Variants in DMD observed in about 807,000 individuals in gnomAD.
DMD encodes the protein dystrophin.
DMD carries 63 observed loss-of-function variants against 330.1 expected under a neutral mutation model. The observed-to-expected ratio is 0.19, with a 90% CI of 0.16 to 0.24. The LOEUF is 0.24. Among genes scored for constraint, DMD ranks in the 10% least tolerant of loss-of-function variants. DMD has a pLI of 1.00. For missense variants in DMD, 3,344 were observed against 2,684.1 expected, an observed-to-expected ratio of 1.25 and a Z score of -5.43; for synonymous variants, 1,223 against 959.8, an observed-to-expected ratio of 1.27 and a Z score of -5.07.
At chrX:31,257,683 G>A (rs904934361) in intron 63 of DMD, among the ~76,000 whole-genome samples, 4 of 112,293 alleles carry the variant, frequency 3.6e-5, no homozygotes, top group Non-Finnish European at 5.6e-5. Context: ...TGTGGCTTAC[G>A]CTTGTAATCC....
chrX:32,102,647 C>A (rs1411970946), intron 44 of DMD, among the ~76,000 whole-genome samples: 1 of 110,902 alleles, frequency 9.0e-6, no homozygotes, highest in Non-Finnish European at 1.9e-5. Context: ...TTTAAATGGG[C>A]AATATGGTTT....
intron 68 of DMD, 133 bp from the exon 69 acceptor site, chrX:31,180,614 T>G: frequency 3.8e-6 from 2 of 529,485 alleles, no homozygotes; most frequent in Non-Finnish European, 6.6e-6. Context: ...ACAAGGTAAG[T>G]GATTAACTTT....
At chrX:31,748,985 T>A (rs150377607) in intron 51 of DMD, among the ~76,000 whole-genome samples, 1,354 of 111,464 alleles carry the variant, frequency 0.012, 25 homozygotes, top group African/African-American at 0.042. Context: ...CATCATTTAA[T>A]CCCAACAACA....
chrX:31,884,023 A>G (rs747101508), intron 47 of DMD, among the ~76,000 whole-genome samples: 6 of 111,867 alleles, frequency 5.4e-5, no homozygotes, highest in Non-Finnish European at 9.4e-5. Context: ...TGGAGAAAAG[A>G]GAACCCTTGT....
chrX:32,717,574 G>A (rs1333707584), intron 7 of DMD, among the ~76,000 whole-genome samples: 3 of 111,992 alleles, frequency 2.7e-5, no homozygotes, highest in Non-Finnish European at 5.6e-5. Context: ...GGGCAGTGCA[G>A]AAGGGTAATG....
intron 2 of DMD, among the ~76,000 whole-genome samples, chrX:32,884,001 T>C (rs1386659512): frequency 1.8e-5 from 2 of 109,728 alleles, no homozygotes; most frequent in African/African-American, 6.6e-5. Flanking sequence ...GAAAGGTAAG[T>C]ACATAGGTTT....
intron 1 of DMD, among the ~76,000 whole-genome samples, chrX:33,326,988 A>G (rs910960119): frequency 2.2e-4 from 25 of 112,165 alleles, no homozygotes; most frequent in African/African-American, 7.8e-4. Flanking sequence ...TCCTATGTGA[A>G]TAAATTAAAC....
At chrX:32,629,416 A>T (rs1048657609) in intron 11 of DMD, among the ~76,000 whole-genome samples, 2 of 111,400 alleles carry the variant, frequency 1.8e-5, no homozygotes, top group Non-Finnish European at 3.8e-5. Flanking sequence ...TTATTGGTCA[A>T]GTGTGTTTCT....
rs398123973 is a variant in DMD at position 32,365,049 on chromosome X, G to T, written c.4996C>A (p.Arg1666=). ...LNSNWIAVTS[R]AEEWLNLLLE... is the part of the protein sequence containing the mutation. The stretch of plus-strand genomic sequence containing the variant: ...AAAAGATTTAACCACTCTTCTGCTC[G>T]GGAGGTGACAGCTATCCAGTTACTA... The change falls in exon 35 of 79, where the codon CGA becomes AGA. Residue 1666 remains arginine, a synonymous_variant. Coordinates refer to ENST00000357033, the MANE Select transcript of DMD (RefSeq NM_004006.3). 1 of 1,210,502 alleles carries T rather than the reference G, an allele frequency of 8.3e-7. No individual in the cohort carries two copies. The highest frequency in any genetic ancestry group is 1.7e-5 in the African/African-American group (1 of 57,505).
At chrX:31,319,798 G>A (rs1045356446) in intron 62 of DMD, among the ~76,000 whole-genome samples, 3 of 112,426 alleles carry the variant, frequency 2.7e-5, no homozygotes, top group Admixed American at 9.4e-5. Context: ...GAATACAGAA[G>A]AACAATTTTC....
At chrX:32,783,605 C>A (rs935738026) in intron 7 of DMD, among the ~76,000 whole-genome samples, 1 of 109,570 alleles carries the variant, frequency 9.1e-6, no homozygotes, top group Non-Finnish European at 1.9e-5. Context: ...CATGTGTAAC[C>A]CTGAACCTAG....
At chrX:32,581,399 T>G (rs932955025) in intron 13 of DMD, among the ~76,000 whole-genome samples, 1 of 112,338 alleles carries the variant, frequency 8.9e-6, no homozygotes, top group African/African-American at 3.2e-5. Context: ...TCAGATCATT[T>G]GCTTTCTCTA....
chrX:32,563,289 G>C lies in DMD; in HGVS notation c.1992+2413C>G, dbSNP rs756898244. Among the ~76,000 whole-genome samples the C allele has an allele frequency of 8.9e-5, 9 of 101,019 alleles. No homozygotes were observed. In the South Asian group the frequency reaches 4.5e-3, roughly 50 times the overall value. The allele number at this position is 101,019 out of a possible 115,157, so 87.7% of individuals were successfully genotyped here. A position where few individuals can be genotyped will look rare whatever the true frequency, so the allele number is the denominator to read the frequency against. ...ACCCAGGAGGCAGAGCTTGCAGTGA[G>C]CTGAGATTGTGCCACTGCACTCCAG... On this transcript the variant is annotated intron_variant, in intron 16 of 78. Transcript: ENST00000357033.
At chrX:32,969,027 C>CCAAAAAAAAAAAAAAAAAAAAAAAAAAAA (rs2092280100) in intron 2 of DMD, among the ~76,000 whole-genome samples, 1 of 19,813 alleles carries the variant, frequency 5.0e-5, no homozygotes, top group African/African-American at 1.6e-4. Context: ...GATTCTGTCT[C>CCAAAAAAAAAAAAAAAAAAAAAAAAAAAA]AAAAAAAAAA....
chrX:33,247,027 C>A (rs889198477), intron 1 of DMD, among the ~76,000 whole-genome samples: 7 of 111,737 alleles, frequency 6.3e-5, no homozygotes, highest in African/African-American at 2.3e-4. Flanking sequence ...TTAAACAAAG[C>A]CTTAAACTGC....
chrX:32,263,014 C>G (rs1045427254), intron 43 of DMD, among the ~76,000 whole-genome samples: 1 of 112,019 alleles, frequency 8.9e-6, no homozygotes, highest in East Asian at 2.8e-4. Flanking sequence ...CACTAAGAAA[C>G]CATCTGCATG....
intron 51 of DMD, among the ~76,000 whole-genome samples, chrX:31,742,237 A>G (rs757020995): frequency 8.9e-6 from 1 of 112,658 alleles, no homozygotes; most frequent in South Asian, 3.6e-4. Context: ...TGTGTTCAAC[A>G]GAGTAGCACT....
chrX:32,527,490 G>T (rs1229362607), intron 17 of DMD, among the ~76,000 whole-genome samples: 1 of 110,157 alleles, frequency 9.1e-6, no homozygotes, highest in Non-Finnish European at 1.9e-5. Flanking sequence ...CACATCATCT[G>T]TGAAGGTTTT....
chrX:32,187,212 T>A (rs934460615), intron 44 of DMD, among the ~76,000 whole-genome samples: 26 of 111,016 alleles, frequency 2.3e-4, no homozygotes, highest in African/African-American at 7.8e-4. Context: ...TTATATCATC[T>A]CTTTTTCTAA....
Sources: allele counts gnomAD v4.1 joint callset (sites outside exome capture counted in the v4.1 genomes callset), GRCh38; gene constraint gnomAD v4.1.1; transcripts MANE v1.5; gene names NCBI Gene and HGNC (gene_info 2026-07-23, HGNC 2026-07-21).